The following RNGTT variants were observed in gnomAD, a reference collection of about 807,000 sequenced individuals.
RNGTT encodes the protein mRNA-capping enzyme.
In RNGTT, 33 loss-of-function variants were observed where a neutral mutation model predicts 79.3. The ratio of observed to expected loss-of-function variants is 0.42; its 90% CI spans 0.32 to 0.56. The LOEUF (loss-of-function observed/expected upper bound fraction) is 0.56. Among genes scored for constraint, RNGTT ranks in the 20% least tolerant of loss-of-function variants. RNGTT has a pLI of 0.17. For missense variants in RNGTT, 497 were observed against 739.1 expected, an observed-to-expected ratio of 0.67 and a Z score of 3.80; for synonymous variants, 222 against 235.9, an observed-to-expected ratio of 0.94 and a Z score of 0.54.
intron 9 of RNGTT, among the ~76,000 whole-genome samples, chr6:88,852,430 C>T (rs1400377907): frequency 2.0e-5 from 3 of 152,006 alleles, no homozygotes; most frequent in Non-Finnish European, 4.4e-5. Flanking sequence ...AATGTTCCTG[C>T]TGTTCCCATG....
At chr6:88,841,705 A>G (rs1055781064) in intron 11 of RNGTT, among the ~76,000 whole-genome samples, 4 of 152,238 alleles carry the variant, frequency 2.6e-5, no homozygotes, top group Non-Finnish European at 5.9e-5. Context: ...GCTGAACTAT[A>G]AATTCAACTC....
At chr6:88,713,791 CA>C (rs896009046) in intron 13 of RNGTT, among the ~76,000 whole-genome samples, 14 of 151,948 alleles carry the variant, frequency 9.2e-5, no homozygotes, top group Non-Finnish European at 1.6e-4. Context: ...ACATATGAAA[CA>C]GGAGATATGA....
chr6:88,787,001 C>T (rs9344868), intron 12 of RNGTT, among the ~76,000 whole-genome samples: 20,832 of 152,088 alleles, frequency 0.14, 1,562 homozygotes, highest in Middle Eastern at 0.24. Flanking sequence ...CACCACACAC[C>T]GAATCTGCCA....
chr6:88,722,878 CAT>C (rs1372293081), intron 13 of RNGTT, among the ~76,000 whole-genome samples: 2 of 152,186 alleles, frequency 1.3e-5, no homozygotes, highest in Admixed American at 6.5e-5. Flanking sequence ...GCATTATTCA[CAT>C]GTTTGTGGTA....
At chr6:88,735,734 G>T (rs1562224947) in intron 13 of RNGTT, among the ~76,000 whole-genome samples, 1 of 151,860 alleles carries the variant, frequency 6.6e-6, no homozygotes, top group South Asian at 2.1e-4. Context: ...TATTTGAAAA[G>T]ATCTAAAACC....
chr6:88,788,033 G>A (rs541330943), intron 12 of RNGTT, among the ~76,000 whole-genome samples: 11 of 152,222 alleles, frequency 7.2e-5, no homozygotes, highest in Non-Finnish European at 1.0e-4. Flanking sequence ...AACTTACAAC[G>A]GCATTACTAT....
At chr6:88,623,596 A>C (rs1212736737) in intron 14 of RNGTT, among the ~76,000 whole-genome samples, 1 of 151,936 alleles carries the variant, frequency 6.6e-6, no homozygotes, top group Non-Finnish European at 1.5e-5. Flanking sequence ...ATCATAGTCC[A>C]ACCTATCACA....
At chr6:88,759,783 T>C (rs1050249983) in intron 13 of RNGTT, among the ~76,000 whole-genome samples, 17 of 152,100 alleles carry the variant, frequency 1.1e-4, no homozygotes, top group African/African-American at 4.1e-4. Context: ...GAGTTCAAGA[T>C]TTGTTTGCAG....
At chr6:88,923,252 GT>G (rs1448363716) in intron 4 of RNGTT, among the ~76,000 whole-genome samples, 1 of 152,138 alleles carries the variant, frequency 6.6e-6, no homozygotes, top group Non-Finnish European at 1.5e-5. Flanking sequence ...ATTGATGATT[GT>G]TGTTTCCAGG....
intron 13 of RNGTT, among the ~76,000 whole-genome samples, chr6:88,752,992 T>C (rs1340554006): frequency 6.6e-6 from 1 of 152,108 alleles, no homozygotes; most frequent in East Asian, 1.9e-4. Context: ...TATATACTCT[T>C]TGGAGAAAAA....
At chr6:88,772,635 A>AAC (rs36153646) in intron 12 of RNGTT, among the ~76,000 whole-genome samples, 1 of 151,688 alleles carries the variant, frequency 6.6e-6, no homozygotes, top group Non-Finnish European at 1.5e-5. Flanking sequence ...AGAAAAAAAA[A>AAC]GACCCCATCA....
rs1772061207 is a variant in RNGTT, at chr6:88,612,498, A to C, written c.*221T>G. 6.6e-6 allele frequency: 3 copies of C among 454,710 alleles called. No individual in the cohort carries two copies. Among genetic ancestry groups the C allele is most frequent in the Non-Finnish European group, 7.9e-6 (2 of 254,644 alleles). 28.2% of individuals were successfully genotyped at this position (454,710 alleles called of 1,614,324 possible). A position where few individuals can be genotyped will look rare whatever the true frequency, so the allele number is the denominator to read the frequency against. On this transcript the variant is annotated 3_prime_UTR_variant, in exon 16 of 16. Transcript: ENST00000369485. ...CACAAGGTAAGGCTGAGTTTATCAG[A>C]TAAATAAGATGTTTAAGTCCACGAT...
chr6:88,936,473 A>G (rs1784669576), intron 2 of RNGTT, among the ~76,000 whole-genome samples: 1 of 152,188 alleles, frequency 6.6e-6, no homozygotes, highest in Admixed American at 6.5e-5. Flanking sequence ...GCAAAAGCTG[A>G]AAGCTTTTCC....
intron 14 of RNGTT, among the ~76,000 whole-genome samples, chr6:88,633,815 T>C (rs1198768773): frequency 1.3e-5 from 2 of 152,130 alleles, no homozygotes; most frequent in African/African-American, 2.4e-5. Context: ...AGAAGTCCCT[T>C]AAAACCATGC....
intron 12 of RNGTT, among the ~76,000 whole-genome samples, chr6:88,794,079 C>T (rs1319781712): frequency 6.6e-6 from 1 of 152,184 alleles, no homozygotes; most frequent in Non-Finnish European, 1.5e-5. Context: ...AATTTCAAAG[C>T]TAAGCTCTTA....
intron 8 of RNGTT, among the ~76,000 whole-genome samples, chr6:88,870,852 T>C (rs1782330155): frequency 6.6e-6 from 1 of 152,184 alleles, no homozygotes; most frequent in African/African-American, 2.4e-5. Flanking sequence ...AGATGTCCAA[T>C]GCACTGGATA....
intron 14 of RNGTT, chr6:88,677,997 T>C (rs1774941467): frequency 6.7e-6 from 1 of 149,794 alleles, no homozygotes; most frequent in Admixed American, 6.9e-5. Flanking sequence ...TTTTTTTTTT[T>C]TTTTTTGAGA....
intron 8 of RNGTT, among the ~76,000 whole-genome samples, chr6:88,866,251 T>C (rs1373979378): frequency 1.3e-5 from 2 of 152,166 alleles, no homozygotes; most frequent in African/African-American, 2.4e-5. Flanking sequence ...TATGGAATTA[T>C]CAAGGGTTGA....
rs140841184 is a variant in RNGTT at position 88,674,872 on chromosome 6, G to A, written c.1506+3481C>T. Among the ~76,000 whole-genome samples the A allele has an allele frequency of 5.2e-3, 790 of 152,156 alleles. 7 individuals are homozygous for A. The highest frequency in any genetic ancestry group is 0.017 in the African/African-American group (712 of 41,538). ...AGTACTGTGGGAGGCTGAAGTGGGC[G>A]GACTGCCTGAGGTCAGGAGTTCAAG... On this transcript the variant is annotated intron_variant, in intron 14 of 15. Transcript: ENST00000369485.
Sources: allele counts gnomAD v4.1 joint callset (sites outside exome capture counted in the v4.1 genomes callset), GRCh38; gene constraint gnomAD v4.1.1; transcripts MANE v1.5; gene names NCBI Gene and HGNC (gene_info 2026-07-23, HGNC 2026-07-21).